ANO6: variants seen among roughly 807,000 people sequenced by gnomAD.
The protein encoded by ANO6 is anoctamin 6, also known as anoctamin-6.
In ANO6, 106 loss-of-function variants were observed where a neutral mutation model predicts 117.5. The observed-to-expected ratio is 0.90, with a 90% CI of 0.77 to 1.06. ANO6 has a LOEUF of 1.06. ANO6 is among the 50% of genes least tolerant of loss of function. The probability of loss-of-function intolerance (pLI) is 0.00; values close to 1 mark genes in which losing one functional copy is unlikely to be tolerated. For synonymous variants in ANO6, 367 were observed against 385.1 expected, an observed-to-expected ratio of 0.95 and a Z score of 0.55; for missense variants, 955 against 1,121.1, an observed-to-expected ratio of 0.85 and a Z score of 2.12.
intron 1 of ANO6, among the ~76,000 whole-genome samples, chr12:45,223,044 G>A (rs145993231): frequency 2.6e-5 from 4 of 152,352 alleles, no homozygotes; most frequent in East Asian, 3.9e-4. Flanking sequence ...CTGGGAGGGC[G>A]TGAAAACTCA....
chr12:45,361,401 C>T (rs1002989191), intron 8 of ANO6, among the ~76,000 whole-genome samples: 3 of 152,014 alleles, frequency 2.0e-5, no homozygotes, highest in African/African-American at 7.2e-5. Context: ...TGTGCTGCAA[C>T]CTTGCTAAAC....
At chr12:45,377,253 A>G (rs990909291) in intron 9 of ANO6, among the ~76,000 whole-genome samples, 1 of 151,898 alleles carries the variant, frequency 6.6e-6, no homozygotes, top group Non-Finnish European at 1.5e-5. Flanking sequence ...CTTTATAGTA[A>G]TTTTTAGGAA....
At chr12:45,332,145 G>A (rs971615023) in intron 3 of ANO6, among the ~76,000 whole-genome samples, 2 of 151,926 alleles carry the variant, frequency 1.3e-5, no homozygotes, top group Non-Finnish European at 1.5e-5. Flanking sequence ...TCCCTGGAAC[G>A]TTTTTACCTG....
chr12:45,378,398 C>G (rs1332859607), intron 10 of ANO6, among the ~76,000 whole-genome samples: 2 of 152,084 alleles, frequency 1.3e-5, no homozygotes, highest in Non-Finnish European at 2.9e-5. Context: ...TCAGCTGACT[C>G]TCCAGTAAGC....
intron 1 of ANO6, among the ~76,000 whole-genome samples, chr12:45,256,181 T>G (rs571610804): frequency 2.4e-4 from 36 of 152,208 alleles, no homozygotes; most frequent in African/African-American, 8.7e-4. Context: ...GCTATAACAT[T>G]GAACATGCCC....
chr12:45,287,236 A>G (rs1169488433), intron 1 of ANO6, among the ~76,000 whole-genome samples: 1 of 152,174 alleles, frequency 6.6e-6, no homozygotes, highest in Non-Finnish European at 1.5e-5. Flanking sequence ...GAGCTGAATA[A>G]TGTGAGAGAG....
intron 8 of ANO6, among the ~76,000 whole-genome samples, chr12:45,360,542 T>C (rs1941528708): frequency 6.6e-6 from 1 of 152,188 alleles, no homozygotes; most frequent in African/African-American, 2.4e-5. Context: ...TTGAAAATAT[T>C]TTCTCCCATT....
chr12:45,244,392 G>C (rs1313886383), intron 1 of ANO6, among the ~76,000 whole-genome samples: 1 of 130,338 alleles, frequency 7.7e-6, no homozygotes, highest in Non-Finnish European at 1.6e-5. Context: ...ACTACATAGG[G>C]CTTCTCTATT....
chr12:45,434,877 C>T (rs1222276935), downstream of ANO6, among the ~76,000 whole-genome samples: 1 of 152,214 alleles, frequency 6.6e-6, no homozygotes, highest in Non-Finnish European at 1.5e-5. Flanking sequence ...AGAACTATCA[C>T]ATAAACACTC....
chr12:45,350,672 G>A lies in ANO6; in HGVS notation c.761G>A (p.Arg254His), dbSNP rs149777468. 60 of 1,613,602 alleles carry A rather than the reference G, an allele frequency of 3.7e-5. No homozygotes were observed. The highest frequency in any genetic ancestry group is 5.5e-5 in the South Asian group (5 of 91,050). Residue 254 changes from arginine (R) to histidine (H), a missense_variant, in exon 7 of 20, where the codon CGT (arginine) becomes CAT (histidine). Physicochemically the swap from Arg to His is conservative, Grantham distance 29 (BLOSUM62 0). Coordinates refer to ENST00000320560, the MANE Select transcript of ANO6 (RefSeq NM_001025356.3). ...AFPLHDCKFR[R>H]QSEDPSCPNE... The stretch of plus-strand genomic sequence containing the variant: ...TCTGCGTCACAGTGCAAATTCCGCC[G>A]TCAGTCAGAGGATCCCAGCTGCCCT...
Position 45,348,615 on chromosome 12 carries a change from C to A in ANO6, c.731C>A (p.Ala244Asp), listed in dbSNP as rs756692461. Residue 244 changes from alanine (A) to aspartate (D), a missense_variant, in exon 6 of 20, where the codon GCT becomes GAT. Transcript: ENST00000320560. The stretch of plus-strand genomic sequence containing the variant: ...GTAAACTCTGGGATCTACAAGGCAG[C>A]TTTCCCACTCCATGATGTAAGTTAA... ...RLVNSGIYKA[A>D]FPLHDCKFRR... 2 of 1,613,542 alleles carry A rather than the reference C, an allele frequency of 1.2e-6. No homozygotes were observed. The highest frequency in any genetic ancestry group is 4.5e-5 in the East Asian group (2 of 44,846).
At chr12:45,405,956 C>A (rs1460506952) in intron 15 of ANO6, among the ~76,000 whole-genome samples, 1 of 151,980 alleles carries the variant, frequency 6.6e-6, no homozygotes, top group Admixed American at 6.6e-5. Flanking sequence ...CAAAACTATA[C>A]CCACCCCCCA....
At chr12:45,216,541 G>C (rs1428573404) in intron 1 of ANO6, 150 bp downstream of exon 1, 11 of 910,234 alleles carry the variant, frequency 1.2e-5, no homozygotes, top group Non-Finnish European at 1.8e-5. Flanking sequence ...CGCTGTCCCC[G>C]GCTGCTTGCA....
chr12:45,261,264 C>T (rs1185351217), intron 1 of ANO6, among the ~76,000 whole-genome samples: 1 of 152,138 alleles, frequency 6.6e-6, no homozygotes, highest in East Asian at 1.9e-4. Flanking sequence ...GAGTGAAACT[C>T]GAAAAGGATT....
chr12:45,264,484 G>A (rs944309530), intron 1 of ANO6, among the ~76,000 whole-genome samples: 1 of 152,118 alleles, frequency 6.6e-6, no homozygotes, highest in Non-Finnish European at 1.5e-5. Flanking sequence ...TTTTTGGGGG[G>A]TTGGCTTTTA....
At chr12:45,285,055 C>T (rs1938864337) in intron 1 of ANO6, among the ~76,000 whole-genome samples, 1 of 152,176 alleles carries the variant, frequency 6.6e-6, no homozygotes, top group South Asian at 2.1e-4. Flanking sequence ...TTTGTAAGAT[C>T]TCAACTAAAG....
intron 3 of ANO6, among the ~76,000 whole-genome samples, chr12:45,344,073 G>A (rs929974178): frequency 6.6e-6 from 1 of 152,028 alleles, no homozygotes; most frequent in Admixed American, 6.6e-5. Flanking sequence ...GTTTAAAATG[G>A]GTGTCCATAA....
At chr12:45,271,172 AT>A (rs1272113124) in intron 1 of ANO6, among the ~76,000 whole-genome samples, 1 of 152,224 alleles carries the variant, frequency 6.6e-6, no homozygotes, top group Non-Finnish European at 1.5e-5. Flanking sequence ...TGAAAACAAG[AT>A]TTCAGTGACC....
In ANO6 at chr12:45,216,247, G is replaced by A; in HGVS notation, c.-75G>A. 5.3e-6 allele frequency: 8 copies of A among 1,516,304 alleles called. No homozygotes were observed. The highest frequency in any genetic ancestry group is 7.2e-6 in the Non-Finnish European group (8 of 1,114,434). 93.9% of individuals were successfully genotyped at this position (1,516,304 alleles called of 1,614,324 possible). ...CCCCGCGGTCCCCGATCCGGCCCCT[G>A]GGAGAGCCGCGCCGTTCTGGAACCC... On this transcript the variant is annotated 5_prime_UTR_variant, in exon 1 of 20. Transcript: ENST00000320560.
Sources: allele counts gnomAD v4.1 joint callset (sites outside exome capture counted in the v4.1 genomes callset), GRCh38; gene constraint gnomAD v4.1.1; transcripts MANE v1.5; gene names NCBI Gene and HGNC (gene_info 2026-07-23, HGNC 2026-07-21).